MIPOL1: variants seen among roughly 807,000 people sequenced by gnomAD.
MIPOL1 encodes mirror-image polydactyly 1, also known as mirror-image polydactyly gene 1 protein.
MIPOL1 carries 57 observed loss-of-function variants against 60.9 expected under a neutral mutation model. That is an observed-to-expected ratio of 0.94 (90% CI 0.76 to 1.17). MIPOL1 has a LOEUF of 1.17. Among genes scored for constraint, MIPOL1 ranks in the 50% most tolerant of loss-of-function variants. The probability of loss-of-function intolerance (pLI) is 0.00; values close to 1 mark genes in which losing one functional copy is unlikely to be tolerated. For synonymous variants in MIPOL1, 179 were observed against 168.8 expected (o/e 1.06, Z -0.47); for missense variants, 551 against 511.6 (o/e 1.08, Z -0.74).
At chr14:37,414,622 C>G (rs898020869) in intron 10 of MIPOL1, among the ~76,000 whole-genome samples, 18 of 152,106 alleles carry the variant, frequency 1.2e-4, no homozygotes, top group South Asian at 2.1e-4. Flanking sequence ...TTACCTTTTA[C>G]TGCTTCAAGG....
intron 11 of MIPOL1, among the ~76,000 whole-genome samples, chr14:37,461,870 T>G (rs868078193): frequency 6.6e-6 from 1 of 152,198 alleles, no homozygotes; most frequent in East Asian, 1.9e-4. Flanking sequence ...AGGGTACAGC[T>G]TCCCTCCCAA....
intron 9 of MIPOL1, among the ~76,000 whole-genome samples, chr14:37,355,255 A>G (rs1595353556): frequency 7.3e-6 from 1 of 137,200 alleles, no homozygotes; most frequent in South Asian, 2.7e-4. Context: ...TCTGGCTTGT[A>G]GGGTTTCTGC....
intron 12 of MIPOL1, among the ~76,000 whole-genome samples, chr14:37,535,166 T>G (rs2095500303): frequency 6.6e-6 from 1 of 152,142 alleles, no homozygotes; most frequent in Non-Finnish European, 1.5e-5. Flanking sequence ...AGGTATTAAT[T>G]GATATGATTG....
chr14:37,420,941 G>A (rs374547300), intron 10 of MIPOL1, among the ~76,000 whole-genome samples: 1 of 152,076 alleles, frequency 6.6e-6, no homozygotes, highest in Admixed American at 6.6e-5. Flanking sequence ...TAAGGATATC[G>A]TAAAGCCAGA....
At chr14:37,379,645 CA>C (rs1478120776) in intron 10 of MIPOL1, among the ~76,000 whole-genome samples, 1 of 152,006 alleles carries the variant, frequency 6.6e-6, no homozygotes, top group African/African-American at 2.4e-5. Context: ...CAAAAATGGG[CA>C]AAGTATCAGA....
intron 9 of MIPOL1, among the ~76,000 whole-genome samples, chr14:37,355,092 G>A (rs1187211510): frequency 6.7e-6 from 1 of 148,180 alleles, no homozygotes; most frequent in Admixed American, 6.8e-5. Context: ...GCTCTTTTAG[G>A]GCAGGCCTGG....
At position 37,482,316 on chromosome 14, in the gene MIPOL1, T is replaced by C. The variant is rs575197981; in HGVS notation, c.1032-17592T>C. 3.3e-5 allele frequency among the ~76,000 whole-genome samples: 5 copies of C among 152,264 alleles called. No individual in the cohort carries two copies. The South Asian group carries it at 1.0e-3, about 32-fold the overall frequency. On this transcript the variant is annotated intron_variant, in intron 11 of 12. Transcript: ENST00000684589. ...GGCATACAGATAGCCAGTAGATATA[T>C]GAAAAAATGTTTAATTGCTAATTAT... is the stretch of plus-strand genomic sequence containing the variant.
rs139104148 is a variant in MIPOL1 at position 37,298,218 on chromosome 14, T to C, written c.624-9838T>C. On this transcript the variant is annotated intron_variant, in intron 7 of 12. Coordinates refer to ENST00000684589, the MANE Select transcript of MIPOL1 (RefSeq NM_001388067.1). Reference sequence around the variant, plus strand: ...AATGGGGAAAGGATTCCCTATTTAATAAATGGTGCTGGGAAAACTGGTTAG... The same window carrying C: ...AATGGGGAAAGGATTCCCTATTTAACAAATGGTGCTGGGAAAACTGGTTAG... Among the ~76,000 whole-genome samples the C allele has an allele frequency of 5.1e-3, 774 of 152,302 alleles. 5 individuals carry two copies. Among genetic ancestry groups the C allele is most frequent in the African/African-American group, 0.017 (727 of 41,564 alleles).
At chr14:37,313,716 T>C (rs1299451933) in intron 9 of MIPOL1, among the ~76,000 whole-genome samples, 12 of 152,196 alleles carry the variant, frequency 7.9e-5, no homozygotes, top group Non-Finnish European at 1.5e-4. Flanking sequence ...ATGGAAAATA[T>C]GCTATGACTC....
At chr14:37,410,808 A>C (rs1314877140) in intron 10 of MIPOL1, among the ~76,000 whole-genome samples, 1 of 152,162 alleles carries the variant, frequency 6.6e-6, no homozygotes, top group Non-Finnish European at 1.5e-5. Flanking sequence ...TAACCGTTAA[A>C]AGAATAGAAA....
At chr14:37,377,845 A>G (rs2092819506) in intron 10 of MIPOL1, among the ~76,000 whole-genome samples, 1 of 148,710 alleles carries the variant, frequency 6.7e-6, no homozygotes, top group African/African-American at 2.5e-5. Context: ...ATTCCTGGGC[A>G]CCAGTGATCC....
chr14:37,337,059 T>TA (rs2090180704), intron 9 of MIPOL1, among the ~76,000 whole-genome samples: 1 of 151,918 alleles, frequency 6.6e-6, no homozygotes, highest in South Asian at 2.1e-4. Flanking sequence ...ATGTACTGGG[T>TA]AAAAAGAGTA....
At position 37,248,773 on chromosome 14, in the gene MIPOL1, G is replaced by A. The variant is rs111268976; in HGVS notation, c.19+866G>A. Among the ~76,000 whole-genome samples, 401 of 152,150 alleles carry A rather than the reference G, an allele frequency of 2.6e-3. 3 individuals carry two copies. The highest frequency in any genetic ancestry group is 9.1e-3 in the African/African-American group (378 of 41,522). On this transcript the variant is annotated intron_variant, in intron 3 of 12. Transcript: ENST00000684589. ...AGACAGACATGTATATATGCAGACA[G>A]AGGAGAAAGACATAGATCAGAAGAT...
At chr14:37,282,015 T>G (rs2084146623) in intron 6 of MIPOL1, among the ~76,000 whole-genome samples, 1 of 152,088 alleles carries the variant, frequency 6.6e-6, no homozygotes. Context: ...TAAATGGTAA[T>G]GTCCTTTAAA....
At chr14:37,458,992 A>G (rs2094508813) in intron 11 of MIPOL1, among the ~76,000 whole-genome samples, 1 of 152,094 alleles carries the variant, frequency 6.6e-6, no homozygotes. Context: ...CAACATACCA[A>G]ATCTGGGATA....
intron 10 of MIPOL1, among the ~76,000 whole-genome samples, chr14:37,391,395 C>G (rs1040976431): frequency 8.8e-6 from 1 of 114,016 alleles, no homozygotes; most frequent in Non-Finnish European, 1.7e-5. Flanking sequence ...TCTAATGAAG[C>G]CTAATCTTTT....
chr14:37,449,151 T>C (rs2094382203), intron 11 of MIPOL1, among the ~76,000 whole-genome samples: 1 of 152,156 alleles, frequency 6.6e-6, no homozygotes, highest in South Asian at 2.1e-4. Context: ...GTTGCTAAAA[T>C]TTTTGCCGTG....
At chr14:37,414,662 C>A (rs1189104949) in intron 10 of MIPOL1, among the ~76,000 whole-genome samples, 2 of 152,042 alleles carry the variant, frequency 1.3e-5, no homozygotes, top group African/African-American at 2.4e-5. Flanking sequence ...GATATAGAAG[C>A]ACAATTACAT....
chr14:37,246,203 G>A (rs1973173786), intron 1 of MIPOL1, among the ~76,000 whole-genome samples: 1 of 152,002 alleles, frequency 6.6e-6, no homozygotes, highest in Admixed American at 6.6e-5. Context: ...GTTACGCTTT[G>A]CCATTAAGAG....
Sources: gnomAD v4.1 joint callset for allele counts (sites outside exome capture counted in the v4.1 genomes callset) on GRCh38, gnomAD v4.1.1 for gene constraint, MANE v1.5 for transcripts, NCBI Gene and HGNC (gene_info 2026-07-23, HGNC 2026-07-21) for gene names.